VPS13B: variants seen among roughly 807,000 people sequenced by gnomAD.
VPS13B encodes vacuolar protein sorting 13 homolog B.
A neutral mutation model predicts 426.4 loss-of-function variants in VPS13B; 285 were observed. The observed-to-expected ratio is 0.67, with a 90% CI of 0.61 to 0.74. The LOEUF (loss-of-function observed/expected upper bound fraction) is 0.74. Ranked by LOEUF, VPS13B falls within the 30% of genes least tolerant of loss-of-function variation. The pLI, the probability that VPS13B is intolerant of heterozygous loss-of-function variation, is 0.00. For missense variants in VPS13B, 4,537 were observed against 4,782.6 expected, an observed-to-expected ratio of 0.95 and a Z score of 1.51; for synonymous variants, 1,676 against 1,676.4, an observed-to-expected ratio of 1.00 and a Z score of 0.01.
intron 16 of VPS13B, among the ~76,000 whole-genome samples, chr8:99,187,533 A>G (rs1470039276): frequency 2.6e-5 from 4 of 152,164 alleles, no homozygotes; most frequent in African/African-American, 4.8e-5. Context: ...TTTGGCTTTT[A>G]TAGCCAAATA....
chr8:99,030,414 A>G (rs1842456279), intron 2 of VPS13B, among the ~76,000 whole-genome samples: 1 of 150,854 alleles, frequency 6.6e-6, no homozygotes, highest in Non-Finnish European at 1.5e-5. Flanking sequence ...AAAGATGTGA[A>G]TGTTTGGTTA....
At chr8:99,336,552 G>T (rs1302325753) in intron 19 of VPS13B, among the ~76,000 whole-genome samples, 1 of 152,080 alleles carries the variant, frequency 6.6e-6, no homozygotes, top group South Asian at 2.1e-4. Flanking sequence ...CACAGCAAAA[G>T]AAACTACCAT....
intron 19 of VPS13B, among the ~76,000 whole-genome samples, chr8:99,298,603 G>A (rs187713431): frequency 3.9e-5 from 6 of 152,226 alleles, no homozygotes; most frequent in Admixed American, 3.9e-4. Flanking sequence ...TTCACTCAAT[G>A]ACATGTAAGT....
At chr8:99,159,934 A>G (rs1811554456) in intron 15 of VPS13B, among the ~76,000 whole-genome samples, 1 of 151,934 alleles carries the variant, frequency 6.6e-6, no homozygotes, top group South Asian at 2.1e-4. Flanking sequence ...CTGTGATTAC[A>G]GGTGTGAACC....
intron 27 of VPS13B, among the ~76,000 whole-genome samples, chr8:99,503,660 A>C (rs1050596111): frequency 1.3e-5 from 2 of 152,188 alleles, no homozygotes; most frequent in African/African-American, 2.4e-5. Flanking sequence ...TTGCTCATTC[A>C]TAAGAAGCAA....
intron 3 of VPS13B, among the ~76,000 whole-genome samples, chr8:99,060,614 C>A (rs1034723661): frequency 2.5e-4 from 37 of 148,450 alleles, no homozygotes; most frequent in Non-Finnish European, 2.7e-4. Context: ...ATCTCAAAAA[C>A]AAAAAAAAAA....
At chr8:99,430,454 C>T (rs1219444945) in intron 21 of VPS13B, among the ~76,000 whole-genome samples, 1 of 152,018 alleles carries the variant, frequency 6.6e-6, no homozygotes, top group Non-Finnish European at 1.5e-5. Context: ...TTAACATAAG[C>T]TGTATTATAT....
chr8:99,787,619 A>G (rs1256704643), intron 43 of VPS13B, among the ~76,000 whole-genome samples: 1 of 152,160 alleles, frequency 6.6e-6, no homozygotes. Context: ...TGCTACGTTG[A>G]ATCTAGGGAC....
intron 51 of VPS13B, among the ~76,000 whole-genome samples, chr8:99,831,494 C>T (rs1307824884): frequency 2.6e-5 from 4 of 152,118 alleles, no homozygotes; most frequent in Admixed American, 2.6e-4. Context: ...TGCACTTTTA[C>T]CTCCTGCTTT....
chr8:99,566,123 T>C (rs999678422), intron 31 of VPS13B, among the ~76,000 whole-genome samples: 1 of 152,124 alleles, frequency 6.6e-6, no homozygotes, highest in Non-Finnish European at 1.5e-5. Context: ...TCCTTACATG[T>C]TGGCTGAGAG....
At chr8:99,665,299 T>C (rs551387155) in intron 35 of VPS13B, among the ~76,000 whole-genome samples, 16 of 152,082 alleles carry the variant, frequency 1.1e-4, no homozygotes, top group African/African-American at 1.7e-4. Flanking sequence ...GTTTCTTTTG[T>C]TGTGCAGAAG....
chr8:99,235,170 C>A (rs973896295), intron 17 of VPS13B, among the ~76,000 whole-genome samples: 1 of 152,138 alleles, frequency 6.6e-6, no homozygotes, highest in Non-Finnish European at 1.5e-5. Flanking sequence ...AAAAGTCTTG[C>A]TCCCACATCT....
At chr8:99,394,309 A>G (rs1311793205) in intron 21 of VPS13B, among the ~76,000 whole-genome samples, 1 of 152,166 alleles carries the variant, frequency 6.6e-6, no homozygotes. Flanking sequence ...GTTTTGACAC[A>G]TGAATACAAA....
chr8:99,720,351 TG>T lies in VPS13B; in HGVS notation c.6668del (p.Gly2223ValfsTer5). 1 of 1,612,470 alleles carries T rather than the reference TG, an allele frequency of 6.2e-7. No homozygotes were observed. Among genetic ancestry groups the T allele is most frequent in the Non-Finnish European group, 8.5e-7 (1 of 1,179,752 alleles). On this transcript the variant is annotated frameshift_variant, in exon 38 of 62. Transcript: ENST00000357162. LOFTEE classifies it high-confidence loss of function. ...DLRGGLLQVF[W>X]GQEHLNCLVL... ...TTTTTTTATGATTTTAAAGGTCTTC[TG>T]GGGTCAAGAACATTTGAATTGTTTA...
chr8:99,030,774 A>G (rs1842473499), intron 2 of VPS13B, among the ~76,000 whole-genome samples: 1 of 152,150 alleles, frequency 6.6e-6, no homozygotes, highest in Non-Finnish European at 1.5e-5. Flanking sequence ...TTATTTCATG[A>G]TTTCATTCAT....
intron 19 of VPS13B, among the ~76,000 whole-genome samples, chr8:99,379,911 C>A (rs1205334171): frequency 6.6e-6 from 1 of 152,074 alleles, no homozygotes; most frequent in Non-Finnish European, 1.5e-5. Context: ...TTAGAAAGAT[C>A]TTTTAACCCT....
chr8:99,859,029 C>T (rs923517612), intron 56 of VPS13B, among the ~76,000 whole-genome samples: 1 of 152,060 alleles, frequency 6.6e-6, no homozygotes, highest in African/African-American at 2.4e-5. Context: ...CATGGACCCC[C>T]GTTAGCAGGA....
chr8:99,648,557 C>T (rs980207332), intron 34 of VPS13B, among the ~76,000 whole-genome samples: 2 of 152,118 alleles, frequency 1.3e-5, no homozygotes, highest in Non-Finnish European at 2.9e-5. Flanking sequence ...AGTGGTTGCT[C>T]TGGGGTTTCC....
chr8:99,624,007 A>ATTT (rs1165382455), intron 33 of VPS13B, among the ~76,000 whole-genome samples: 1,093 of 101,168 alleles, frequency 0.011, 46 homozygotes, highest in Non-Finnish European at 0.015. Flanking sequence ...ATATATATAT[A>ATTT]TTTTTTTTTT....
Sources: allele counts gnomAD v4.1 joint callset (sites outside exome capture counted in the v4.1 genomes callset), GRCh38; gene constraint gnomAD v4.1.1; transcripts MANE v1.5; gene names NCBI Gene and HGNC (gene_info 2026-07-23, HGNC 2026-07-21).